FGD4: variants seen among roughly 807,000 people sequenced by gnomAD.
FGD4 encodes the protein FYVE, RhoGEF and PH domain-containing protein 4.
In FGD4, 42 loss-of-function variants were observed where a neutral mutation model predicts 102.0. That is an observed-to-expected ratio of 0.41 (90% CI 0.32 to 0.53). FGD4 has a LOEUF of 0.53. FGD4 is among the 20% of genes least tolerant of loss of function. The pLI, the probability that FGD4 is intolerant of heterozygous loss-of-function variation, is 0.21. For missense variants in FGD4, 902 were observed against 1,078.2 expected (o/e 0.84, Z 2.29); for synonymous variants, 380 against 375.7 (o/e 1.01, Z -0.13).
intron 2 of FGD4, among the ~76,000 whole-genome samples, chr12:32,570,234 C>G (rs958989860): frequency 9.7e-6 from 1 of 102,958 alleles, no homozygotes; most frequent in Non-Finnish European, 1.8e-5. Context: ...GGGCAAGACG[C>G]TGTCTCAAAA....
intron 1 of FGD4, among the ~76,000 whole-genome samples, chr12:32,404,010 C>T (rs971675573): frequency 2.0e-5 from 3 of 151,924 alleles, no homozygotes; most frequent in East Asian, 1.9e-4. Context: ...CCTAGGCTTT[C>T]GGGTTCCTGG....
At position 32,561,276 on chromosome 12, in the gene FGD4, G is replaced by A. The variant is rs61926163; in HGVS notation, c.167-2861G>A. Among the ~76,000 whole-genome samples, 1,352 of 151,726 alleles carry A rather than the reference G, an allele frequency of 8.9e-3. 16 individuals carry two copies. The highest frequency in any genetic ancestry group is 0.054 in the South Asian group (259 of 4,794). ...TAATTTTTGTATTTTTAGTAGAGAC[G>A]GGGTTTTACCATGTTGGCCAGGCTG... On this transcript the variant is annotated intron_variant, in intron 1 of 16. Transcript: ENST00000534526.
chr12:32,463,099 G>A (rs939469166), intron 1 of FGD4, among the ~76,000 whole-genome samples: 1 of 152,190 alleles, frequency 6.6e-6, no homozygotes, highest in Admixed American at 6.5e-5. Flanking sequence ...GACTGAACTG[G>A]GCAACCAGTG....
rs149559801 is a variant in FGD4, at chr12:32,420,351, C to T, written c.166+20392C>T. ...GTTACTGCCCTAGGTGCAAGCTCTT[C>T]CGGGCATGTCTTTCCGTTCCCTTTC... On this transcript the variant is annotated intron_variant, in intron 1 of 16. Coordinates refer to ENST00000534526, the MANE Select transcript of FGD4 (RefSeq NM_001370298.3). Among the ~76,000 whole-genome samples the T allele has an allele frequency of 9.0e-3, 1,369 of 152,280 alleles. 9 individuals are homozygous for T. Among genetic ancestry groups the T allele is most frequent in the Middle Eastern group, 0.017 (5 of 294 alleles).
chr12:32,503,282 T>C (rs1009966845), intron 1 of FGD4, among the ~76,000 whole-genome samples: 1 of 152,192 alleles, frequency 6.6e-6, no homozygotes, highest in Non-Finnish European at 1.5e-5. Flanking sequence ...CATTTTTACT[T>C]GATAGAGGAA....
chr12:32,633,524 T>C (rs1249768287), intron 14 of FGD4, 25 bp from the exon 15 acceptor site: 1 of 1,603,472 alleles, frequency 6.2e-7, no homozygotes, highest in Admixed American at 1.7e-5. Flanking sequence ...ATATGATTAC[T>C]GTTCATTTTT....
At chr12:32,532,803 T>TA (rs1228586118) in intron 1 of FGD4, among the ~76,000 whole-genome samples, 1 of 152,166 alleles carries the variant, frequency 6.6e-6, no homozygotes, top group East Asian at 1.9e-4. Context: ...GCAAAGGAGT[T>TA]AAAAACAATT....
At chr12:32,523,242 G>A (rs1232227873) in intron 1 of FGD4, among the ~76,000 whole-genome samples, 2 of 152,190 alleles carry the variant, frequency 1.3e-5, no homozygotes, top group Non-Finnish European at 1.5e-5. Flanking sequence ...GCTGAGGTTG[G>A]GGAGCATAAA....
chr12:32,422,854 C>T (rs1941690404), intron 1 of FGD4, among the ~76,000 whole-genome samples: 1 of 152,102 alleles, frequency 6.6e-6, no homozygotes, highest in Non-Finnish European at 1.5e-5. Context: ...ATTTTAGATG[C>T]TGTTCTAAGT....
chr12:32,599,410 C>G (rs1268090550), intron 5 of FGD4, among the ~76,000 whole-genome samples: 1 of 127,858 alleles, frequency 7.8e-6, no homozygotes, highest in Non-Finnish European at 1.6e-5. Context: ...AGGAGAATGG[C>G]GTGAACCCGG....
At chr12:32,437,883 G>A (rs1942288522) in intron 1 of FGD4, among the ~76,000 whole-genome samples, 1 of 152,118 alleles carries the variant, frequency 6.6e-6, no homozygotes, top group Non-Finnish European at 1.5e-5. Flanking sequence ...GTTGTAGGTA[G>A]GACTATGCAG....
chr12:32,490,176 TG>T (rs1363393742), intron 1 of FGD4, among the ~76,000 whole-genome samples: 2 of 152,146 alleles, frequency 1.3e-5, no homozygotes, highest in African/African-American at 4.8e-5. Flanking sequence ...CCATTTGGAG[TG>T]ACTATCCTTT....
At chr12:32,521,357 G>T (rs1478121237) in intron 1 of FGD4, among the ~76,000 whole-genome samples, 1 of 138,604 alleles carries the variant, frequency 7.2e-6, no homozygotes, top group Non-Finnish European at 1.5e-5. Context: ...GCCTGGCGAC[G>T]GCGAGACTCC....
chr12:32,479,710 C>G (rs1170227651), intron 1 of FGD4, among the ~76,000 whole-genome samples: 1 of 149,704 alleles, frequency 6.7e-6, no homozygotes, highest in Non-Finnish European at 1.5e-5. Flanking sequence ...TATTCGTTTA[C>G]TATTTAACAG....
At chr12:32,528,778 A>AT (rs1431018896) in intron 1 of FGD4, among the ~76,000 whole-genome samples, 3 of 152,064 alleles carry the variant, frequency 2.0e-5, no homozygotes, top group East Asian at 1.9e-4. Context: ...TAAAATTTAT[A>AT]TTTTTTGTTG....
chr12:32,415,680 C>T (rs1170747850), intron 1 of FGD4, among the ~76,000 whole-genome samples: 1 of 152,124 alleles, frequency 6.6e-6, no homozygotes, highest in Non-Finnish European at 1.5e-5. Context: ...ATTGGCCTCC[C>T]AAATGCGGAG....
intron 1 of FGD4, among the ~76,000 whole-genome samples, chr12:32,550,688 A>AC (rs910755795): frequency 5.4e-4 from 82 of 150,754 alleles, no homozygotes; most frequent in African/African-American, 1.8e-3. Flanking sequence ...AAAAAAAAAA[A>AC]AAAGAAAGAG....
intron 4 of FGD4, among the ~76,000 whole-genome samples, chr12:32,589,415 T>C (rs987974138): frequency 2.6e-5 from 4 of 152,214 alleles, no homozygotes; most frequent in African/African-American, 9.6e-5. Flanking sequence ...TATTACCACA[T>C]GATGTACTCT....
intron 1 of FGD4, among the ~76,000 whole-genome samples, chr12:32,413,485 G>A (rs1181959165): frequency 6.6e-6 from 1 of 152,172 alleles, no homozygotes; most frequent in Non-Finnish European, 1.5e-5. Flanking sequence ...CTAGAAAGGG[G>A]AATATAATGC....
Sources: allele counts gnomAD v4.1 joint callset (sites outside exome capture counted in the v4.1 genomes callset), GRCh38; gene constraint gnomAD v4.1.1; transcripts MANE v1.5; gene names NCBI Gene and HGNC (gene_info 2026-07-23, HGNC 2026-07-21).